The following TNFRSF1B variants were observed in gnomAD, a reference collection of about 807,000 sequenced individuals.
TNFRSF1B encodes TNF receptor superfamily member 1B.
A neutral mutation model predicts 44.6 loss-of-function variants in TNFRSF1B; 19 were observed. The ratio of observed to expected loss-of-function variants is 0.43; its 90% confidence interval spans 0.30 to 0.62. TNFRSF1B has a LOEUF of 0.62. TNFRSF1B is among the 20% of genes least tolerant of loss of function. TNFRSF1B has a pLI of 0.16. For missense variants in TNFRSF1B, 541 were observed against 619.9 expected (o/e 0.87, Z 1.35); for synonymous variants, 252 against 261.1 (o/e 0.97, Z 0.34).
chr1:12,196,363 G>C (rs367831512), intron 8 of TNFRSF1B, among the ~76,000 whole-genome samples: 7 of 152,114 alleles, frequency 4.6e-5, no homozygotes, highest in African/African-American at 1.7e-4. Flanking sequence ...GGGCTGTCCC[G>C]TGCTATTCAG....
In TNFRSF1B at chr1:12,207,157, C is replaced by T. The variant is rs534561339; in HGVS notation, c.*137C>T. ...TTCTGGGCCAAGTTCCTCTAGTGCC[C>T]TCCACAGCCGCAGCCTCCCTCTGAC... On this transcript the variant is annotated 3_prime_UTR_variant, in exon 10 of 10. Coordinates refer to ENST00000376259, the MANE Select transcript of TNFRSF1B (RefSeq NM_001066.3). The T allele has an allele frequency of 6.1e-5, 57 of 929,014 alleles. No homozygotes were observed. Among genetic ancestry groups the T allele is most frequent in the Middle Eastern group, 3.5e-4 (1 of 2,852 alleles). 57.5% of individuals were successfully genotyped at this position (929,014 alleles called of 1,614,324 possible). A position where few individuals can be genotyped will look rare whatever the true frequency, so the allele number is the denominator to read the frequency against.
intron 1 of TNFRSF1B, among the ~76,000 whole-genome samples, chr1:12,174,736 A>G (rs577418807): frequency 2.6e-5 from 4 of 152,206 alleles, no homozygotes; most frequent in African/African-American, 9.6e-5. Context: ...TGCCCTCCCT[A>G]CCCCCTCTTT....
chr1:12,195,618 A>C (rs1242336168), intron 8 of TNFRSF1B, among the ~76,000 whole-genome samples: 1 of 152,164 alleles, frequency 6.6e-6, no homozygotes, highest in Non-Finnish European at 1.5e-5. Context: ...CACTGACCAG[A>C]CAGTGTCACA....
At chr1:12,183,866 C>A (rs1638914471) in intron 1 of TNFRSF1B, among the ~76,000 whole-genome samples, 1 of 149,988 alleles carries the variant, frequency 6.7e-6, no homozygotes, top group East Asian at 1.9e-4. Context: ...TACCTACCTA[C>A]CTACATATCT....
At chr1:12,183,826 C>CCTACCTAT (rs1553163505) in intron 1 of TNFRSF1B, among the ~76,000 whole-genome samples, 1 of 124,386 alleles carries the variant, frequency 8.0e-6, no homozygotes, top group Non-Finnish European at 1.8e-5. Flanking sequence ...ATTCTATCTA[C>CCTACCTAT]CTATCTATCT....
rs1435935056 is a variant in TNFRSF1B, at chr1:12,207,243, T to C, written c.*223T>C. 1.1e-5 allele frequency: 5 copies of C among 440,156 alleles called. No individual in the cohort carries two copies. The East Asian group carries it at 1.4e-4, about 12-fold the overall frequency. The allele number at this position is 440,156 out of a possible 1,614,324, so 27.3% of individuals were successfully genotyped here. ...AGCCTCTGCTGCCATGGCGTGTCCCTCTCGGAAGGCTGGCTGGGCATGGAC... is the reference window on the plus strand; with the variant it reads ...AGCCTCTGCTGCCATGGCGTGTCCCCCTCGGAAGGCTGGCTGGGCATGGAC... On this transcript the variant is annotated 3_prime_UTR_variant, in exon 10 of 10. Transcript: ENST00000376259.
In TNFRSF1B at chr1:12,199,884, A is replaced by G. The variant is rs1417466360; in HGVS notation, c.901-2083A>G. Among the ~76,000 whole-genome samples, 1 of 152,174 alleles carries G rather than the reference A, an allele frequency of 6.6e-6. No individual in the cohort carries two copies. Among genetic ancestry groups the G allele is most frequent in the Non-Finnish European group, 1.5e-5 (1 of 68,026 alleles). On this transcript the variant is annotated intron_variant, in intron 8 of 9. Coordinates refer to ENST00000376259, the MANE Select transcript of TNFRSF1B (RefSeq NM_001066.3). The surrounding 1 kb of genome is among the most constrained non-coding windows in gnomAD (Gnocchi z 4.0). ...AGCTGTTGGGAATGTGGCCTGTGCC[A>G]TCTCCTTTTTTGCTGGGATCAGAAA...
chr1:12,190,936 C>T lies in TNFRSF1B; in HGVS notation c.179-21C>T, dbSNP rs762183847. On this transcript the variant is annotated intron_variant, in intron 2 of 9. Coordinates refer to ENST00000376259, the MANE Select transcript of TNFRSF1B (RefSeq NM_001066.3). Reference sequence around the variant, plus strand: ...GGCAGAAGGCTCGCCCAGCTGAGACCTCTGGCCCTTGTTTCCTCAGGCCAA... The same window carrying T: ...GGCAGAAGGCTCGCCCAGCTGAGACTTCTGGCCCTTGTTTCCTCAGGCCAA... 1.1e-5 allele frequency: 17 copies of T among 1,612,488 alleles called. No individual in the cohort carries two copies. The African/African-American group carries it at 2.3e-4, about 22-fold the overall frequency.
intron 8 of TNFRSF1B, among the ~76,000 whole-genome samples, chr1:12,201,472 A>T (rs554000306): frequency 1.0e-4 from 9 of 86,438 alleles, no homozygotes; most frequent in East Asian, 3.0e-4. Flanking sequence ...TTTATAGAGT[A>T]AAAAAAAAAA....
chr1:12,201,140 G>A (rs1245505268), intron 8 of TNFRSF1B, among the ~76,000 whole-genome samples: 1 of 151,614 alleles, frequency 6.6e-6, no homozygotes, highest in Non-Finnish European at 1.5e-5. Flanking sequence ...CGTGCCTGTG[G>A]TCTCAGCTAC....
At chr1:12,194,415 T>A (rs1570162858) in intron 7 of TNFRSF1B, among the ~76,000 whole-genome samples, 169 bp from the exon 8 acceptor site, 1 of 151,980 alleles carries the variant, frequency 6.6e-6, no homozygotes, top group East Asian at 1.9e-4. Context: ...GTTGGGATGG[T>A]GGCAGGTGGA....
At position 12,187,007 on chromosome 1, in the gene TNFRSF1B, G is replaced by T. The variant is rs1639001797; in HGVS notation, c.79-1789G>T. ...AGGACTCAGGGGCTTGCTCCCGGGG[G>T]TCCTGGGAAGGCACAATGGTGACAG... is the stretch of plus-strand genomic sequence containing the variant. On this transcript the variant is annotated intron_variant, in intron 1 of 9. Coordinates refer to ENST00000376259, the MANE Select transcript of TNFRSF1B (RefSeq NM_001066.3). The surrounding 1 kb of genome is among the most constrained non-coding windows in gnomAD (Gnocchi z 5.5). Among the ~76,000 whole-genome samples the T allele has an allele frequency of 6.6e-6, 1 of 152,160 alleles. No homozygotes were observed. The highest frequency in any genetic ancestry group is 2.4e-5 in the African/African-American group (1 of 41,430).
intron 1 of TNFRSF1B, among the ~76,000 whole-genome samples, chr1:12,183,687 TCTA>T (rs1216279254): frequency 0.026 from 3,261 of 126,804 alleles, 94 homozygotes; most frequent in Middle Eastern, 0.048. Flanking sequence ...TATCTATCTA[TCTA>T]TCTATCTATC....
intron 1 of TNFRSF1B, among the ~76,000 whole-genome samples, chr1:12,182,489 G>C (rs560708924): frequency 6.6e-6 from 1 of 152,202 alleles, no homozygotes; most frequent in South Asian, 2.1e-4. Flanking sequence ...ACAACTTCCC[G>C]GGGGCAGGGA....
intron 9 of TNFRSF1B, among the ~76,000 whole-genome samples, chr1:12,202,569 C>T (rs1475458684): frequency 2.0e-5 from 3 of 152,226 alleles, no homozygotes; most frequent in Admixed American, 1.3e-4. Flanking sequence ...CTGTGGGACA[C>T]CTGGTGAGCC....
chr1:12,207,125 AG>A lies in TNFRSF1B; in HGVS notation c.*107del, dbSNP rs1639523256. 1.5e-6 allele frequency: 2 copies of A among 1,297,148 alleles called. No homozygotes were observed. The highest frequency in any genetic ancestry group is 5.4e-5 in the Admixed American group (2 of 37,252). The allele number at this position is 1,297,148 out of a possible 1,614,324, so 80.4% of individuals were successfully genotyped here. A position where few individuals can be genotyped will look rare whatever the true frequency, so the allele number is the denominator to read the frequency against. ...CCAGGCCCCCACCACTAGGACTCTG[AG>A]GCTCTTTCTGGGCCAAGTTCCTCTA... On this transcript the variant is annotated 3_prime_UTR_variant, in exon 10 of 10. Coordinates refer to ENST00000376259, the MANE Select transcript of TNFRSF1B (RefSeq NM_001066.3).
intron 9 of TNFRSF1B, among the ~76,000 whole-genome samples, chr1:12,206,342 C>CAAA (rs1639501232): frequency 7.1e-6 from 1 of 141,312 alleles, no homozygotes; most frequent in Non-Finnish European, 1.5e-5. Context: ...ACACAGCACT[C>CAAA]TTTTGAGACC....
rs1557639328 is a variant in TNFRSF1B at position 12,199,708 on chromosome 1, G to A, written c.901-2259G>A. Among the ~76,000 whole-genome samples, 1 of 152,166 alleles carries A rather than the reference G, an allele frequency of 6.6e-6. No homozygotes were observed. The highest frequency in any genetic ancestry group is 2.1e-4 in the South Asian group (1 of 4,832). On this transcript the variant is annotated intron_variant, in intron 8 of 9. Transcript: ENST00000376259. The surrounding 1 kb of genome is among the most constrained non-coding windows in gnomAD (Gnocchi z 4.0). ...AGGCAGGAGGTCTCAGCCTTTCTTG[G>A]GGGGCGGTGGCACCTGCGCTGCTCG... is the stretch of plus-strand genomic sequence containing the variant.
intron 2 of TNFRSF1B, 149 bp downstream of exon 2, chr1:12,189,044 A>C: frequency 1.5e-6 from 1 of 645,178 alleles, no homozygotes; most frequent in Non-Finnish European, 2.6e-6. Flanking sequence ...TGGGCCTGTG[A>C]ACATGCTGTT....
Sources: allele counts gnomAD v4.1 joint callset (sites outside exome capture counted in the v4.1 genomes callset), GRCh38; gene constraint gnomAD v4.1.1; non-coding constraint Gnocchi (gnomAD v3.1); transcripts MANE v1.5; gene names NCBI Gene and HGNC (gene_info 2026-07-23, HGNC 2026-07-21).